Variants in SMYD3 observed in about 807,000 individuals in gnomAD.
SMYD3 encodes histone-lysine N-methyltransferase SMYD3.
SMYD3 carries 36 observed loss-of-function variants against 57.7 expected under a neutral mutation model. That is an observed-to-expected ratio of 0.62 (90% CI 0.48 to 0.82). The LOEUF (loss-of-function observed/expected upper bound fraction) is 0.82, where lower values mean the gene tolerates loss of function less well. Among genes scored for constraint, SMYD3 ranks in the 40% least tolerant of loss-of-function variants. SMYD3 has a pLI of 0.00. For missense variants in SMYD3, 515 were observed against 538.8 expected (o/e 0.96, Z 0.44); for synonymous variants, 211 against 195.0 (o/e 1.08, Z -0.68).
At chr1:246,113,467 T>C (rs1486116684) in intron 5 of SMYD3, among the ~76,000 whole-genome samples, 1 of 152,182 alleles carries the variant, frequency 6.6e-6, no homozygotes, top group Non-Finnish European at 1.5e-5. Flanking sequence ...AGGTTTCAAA[T>C]AATTTTTGCT....
intron 4 of SMYD3, among the ~76,000 whole-genome samples, chr1:246,329,860 T>C (rs1476549765): frequency 6.6e-6 from 1 of 152,232 alleles, no homozygotes; most frequent in African/African-American, 2.4e-5. Flanking sequence ...TTACTGTATG[T>C]GCCCTGGCTA....
At chr1:246,327,621 G>A (rs537002203) in intron 4 of SMYD3, among the ~76,000 whole-genome samples, 2 of 152,258 alleles carry the variant, frequency 1.3e-5, no homozygotes, top group South Asian at 4.1e-4. Flanking sequence ...GAGATTGTGT[G>A]TTACCAGATT....
intron 10 of SMYD3, among the ~76,000 whole-genome samples, chr1:245,854,897 G>C (rs1023032726): frequency 6.6e-6 from 1 of 152,184 alleles, no homozygotes; most frequent in Non-Finnish European, 1.5e-5. Flanking sequence ...TGGAACCATT[G>C]TTCATGTTTT....
intron 4 of SMYD3, among the ~76,000 whole-genome samples, chr1:246,329,795 C>T (rs554891167): frequency 2.0e-5 from 3 of 152,256 alleles, no homozygotes; most frequent in Admixed American, 1.3e-4. Flanking sequence ...TTATATAAAT[C>T]TGTACTAGAT....
intron 10 of SMYD3, among the ~76,000 whole-genome samples, chr1:245,793,297 T>TC (rs2047379037): frequency 6.7e-6 from 1 of 149,198 alleles, no homozygotes; most frequent in African/African-American, 2.5e-5. Flanking sequence ...CGAGACTCCG[T>TC]CCCAAAAAAA....
intron 5 of SMYD3, among the ~76,000 whole-genome samples, chr1:246,159,756 C>T (rs2062084015): frequency 6.6e-6 from 1 of 152,010 alleles, no homozygotes; most frequent in Admixed American, 6.5e-5. Context: ...AAGCACAGCC[C>T]AGGAAGACTG....
At chr1:246,498,660 G>A (rs1484395569) in intron 1 of SMYD3, among the ~76,000 whole-genome samples, 1 of 148,636 alleles carries the variant, frequency 6.7e-6, no homozygotes, top group Non-Finnish European at 1.5e-5. Flanking sequence ...GAACCTGGGA[G>A]ACGGAGCTGG....
intron 5 of SMYD3, among the ~76,000 whole-genome samples, chr1:246,080,140 A>C (rs764449980): frequency 1.3e-5 from 2 of 148,478 alleles, no homozygotes; most frequent in East Asian, 1.9e-4. Context: ...ATGAACTCGT[A>C]AGTCAGTCTC....
chr1:245,976,846 CCATCGTCTCTAGCCT>C lies in SMYD3; in HGVS notation c.532-46924_532-46910del, dbSNP rs1482407309. On this transcript the variant is annotated intron_variant, in intron 5 of 11. Coordinates refer to ENST00000490107, the MANE Select transcript of SMYD3 (RefSeq NM_001167740.2). ...GCCATCGTCTCTAGCCTAGGGAAAG[CCATCGTCTCTAGCCT>C]AGGGAAAGCCATCGTCTCCGGCCCA... 1.6e-3 allele frequency among the ~76,000 whole-genome samples: 62 copies of C among 38,846 alleles called. 4 individuals are homozygous for C. Among genetic ancestry groups the C allele is most frequent in the Admixed American group, 8.3e-3 (34 of 4,120 alleles). 25.5% of individuals were successfully genotyped at this position (38,846 alleles called of 152,430 possible). A position where few individuals can be genotyped will look rare whatever the true frequency, so the allele number is the denominator to read the frequency against.
At chr1:246,042,568 C>T (rs2059897439) in intron 5 of SMYD3, among the ~76,000 whole-genome samples, 1 of 152,202 alleles carries the variant, frequency 6.6e-6, no homozygotes, top group African/African-American at 2.4e-5. Context: ...TGAACCGATT[C>T]TAACACAGGA....
At chr1:245,952,684 C>T (rs2057698084) in intron 5 of SMYD3, among the ~76,000 whole-genome samples, 1 of 152,190 alleles carries the variant, frequency 6.6e-6, no homozygotes, top group African/African-American at 2.4e-5. Flanking sequence ...GCAGGTCTCA[C>T]ATTCTGTGCA....
intron 1 of SMYD3, among the ~76,000 whole-genome samples, chr1:246,486,645 C>T (rs2068192776): frequency 6.6e-6 from 1 of 152,100 alleles, no homozygotes; most frequent in South Asian, 2.1e-4. Flanking sequence ...AAGTGATTTG[C>T]CCAAGGTCAC....
At chr1:246,483,926 T>G (rs1225984195) in intron 1 of SMYD3, among the ~76,000 whole-genome samples, 2 of 152,208 alleles carry the variant, frequency 1.3e-5, no homozygotes, top group African/African-American at 2.4e-5. Flanking sequence ...ACTCCTTAGA[T>G]GTGAAACCTA....
At chr1:246,060,334 T>A (rs948815460) in intron 5 of SMYD3, among the ~76,000 whole-genome samples, 1 of 151,942 alleles carries the variant, frequency 6.6e-6, no homozygotes, top group African/African-American at 2.4e-5. Context: ...ATTATATATC[T>A]GAGAAGATCT....
intron 11 of SMYD3, among the ~76,000 whole-genome samples, chr1:245,763,372 G>A (rs1396493945): frequency 6.6e-6 from 1 of 152,146 alleles, no homozygotes; most frequent in Non-Finnish European, 1.5e-5. Context: ...GGCTCTCCTG[G>A]CAGGGTGGGC....
At chr1:245,913,435 A>G (rs2055161799) in intron 8 of SMYD3, among the ~76,000 whole-genome samples, 1 of 152,044 alleles carries the variant, frequency 6.6e-6, no homozygotes, top group African/African-American at 2.4e-5. Context: ...TGGGTGCAGC[A>G]CACCAACATG....
chr1:246,377,498 T>G (rs2066299646), intron 1 of SMYD3, among the ~76,000 whole-genome samples: 1 of 151,508 alleles, frequency 6.6e-6, no homozygotes. Context: ...GCCTCCCGAG[T>G]AGCTGGGAGT....
intron 2 of SMYD3, among the ~76,000 whole-genome samples, chr1:246,344,183 T>A (rs892155338): frequency 6.6e-6 from 1 of 152,060 alleles, no homozygotes. Context: ...ACACCCAGCT[T>A]TGATAAGTTA....
chr1:245,863,383 G>A (rs9730400), intron 9 of SMYD3, among the ~76,000 whole-genome samples: 84,550 of 152,034 alleles, frequency 0.56, 26,695 homozygotes, highest in Non-Finnish European at 0.73. Context: ...CATTGTAGTC[G>A]TGGCTGGTTT....
Sources: allele counts gnomAD v4.1 joint callset (sites outside exome capture counted in the v4.1 genomes callset), GRCh38; gene constraint gnomAD v4.1.1; transcripts MANE v1.5; gene names NCBI Gene and HGNC (gene_info 2026-07-23, HGNC 2026-07-21).